The following GBE1 variants were observed in gnomAD, a reference collection of about 807,000 sequenced individuals.
The protein encoded by GBE1 is 1,4-alpha-glucan-branching enzyme.
In GBE1, 70 loss-of-function variants were observed where a neutral mutation model predicts 88.8. That is an observed-to-expected ratio of 0.79 (90% CI 0.65 to 0.96). GBE1 has a LOEUF of 0.96. Among genes scored for constraint, GBE1 ranks in the 40% least tolerant of loss-of-function variants. The pLI, the probability that GBE1 is intolerant of heterozygous loss-of-function variation, is 0.00. For synonymous variants in GBE1, 284 were observed against 300.1 expected, an observed-to-expected ratio of 0.95 and a Z score of 0.56; for missense variants, 872 against 871.0, an observed-to-expected ratio of 1.00 and a Z score of -0.01.
intron 5 of GBE1, among the ~76,000 whole-genome samples, chr3:81,647,099 G>T (rs2107067905): frequency 6.6e-6 from 1 of 151,958 alleles, no homozygotes; most frequent in Middle Eastern, 3.4e-3. Flanking sequence ...TGGAACTACA[G>T]GTGCGTGCCA....
chr3:81,686,168 T>G (rs115066985), intron 2 of GBE1, among the ~76,000 whole-genome samples: 128 of 152,256 alleles, frequency 8.4e-4, no homozygotes, highest in African/African-American at 2.9e-3. Context: ...TGTTTGGTTA[T>G]TAGGGGTGGC....
At chr3:81,615,521 A>G (rs1488219191) in intron 7 of GBE1, among the ~76,000 whole-genome samples, 1 of 152,174 alleles carries the variant, frequency 6.6e-6, no homozygotes, top group East Asian at 1.9e-4. Flanking sequence ...TATAAATGGG[A>G]TTAAACAAAA....
intron 1 of GBE1, among the ~76,000 whole-genome samples, chr3:81,718,077 TC>T (rs1705966117): frequency 6.6e-6 from 1 of 151,930 alleles, no homozygotes. Flanking sequence ...CCTCCTGGCT[TC>T]AGGCGAATCT....
intron 9 of GBE1, among the ~76,000 whole-genome samples, chr3:81,589,058 G>A (rs1194591487): frequency 3.3e-5 from 5 of 151,862 alleles, no homozygotes; most frequent in African/African-American, 1.2e-4. Flanking sequence ...AAATCATAAA[G>A]GTCATCAAAA....
intron 7 of GBE1, chr3:81,612,891 T>G (rs1036616503): frequency 1.7e-5 from 7 of 403,642 alleles, no homozygotes; most frequent in African/African-American, 1.5e-4. Context: ...ACCATTACAG[T>G]ACTACTTGGT....
chr3:81,717,379 G>A (rs1407255614), intron 1 of GBE1, among the ~76,000 whole-genome samples: 1 of 152,208 alleles, frequency 6.6e-6, no homozygotes, highest in Admixed American at 6.5e-5. Flanking sequence ...ATGCTCCTGA[G>A]AATGTATGGT....
At chr3:81,756,268 C>T (rs1706599954) in intron 1 of GBE1, among the ~76,000 whole-genome samples, 1 of 152,120 alleles carries the variant, frequency 6.6e-6, no homozygotes, top group Non-Finnish European at 1.5e-5. Flanking sequence ...ATATATTCCC[C>T]TTACCCAGAT....
intron 3 of GBE1, among the ~76,000 whole-genome samples, chr3:81,653,033 A>G (rs1704873200): frequency 6.6e-6 from 1 of 152,198 alleles, no homozygotes; most frequent in African/African-American, 2.4e-5. Flanking sequence ...ATCTTTCAAC[A>G]ATAAGTCTGG....
rs188233804 is a variant in GBE1, at chr3:81,587,442, A to G, written c.1237-1252T>C. Among the ~76,000 whole-genome samples, 357 of 152,220 alleles carry G rather than the reference A, an allele frequency of 2.3e-3. 3 individuals carry two copies. Among genetic ancestry groups the G allele is most frequent in the African/African-American group, 8.2e-3 (341 of 41,532 alleles). ...CATTCCCCATCTCTACCTTCTCTTTATACTAACTGCTGCCAAATTCATATC... is the reference window on the plus strand; with the variant it reads ...CATTCCCCATCTCTACCTTCTCTTTGTACTAACTGCTGCCAAATTCATATC... On this transcript the variant is annotated intron_variant, in intron 9 of 15. Transcript: ENST00000429644.
At chr3:81,678,353 C>T (rs1705291815) in intron 2 of GBE1, among the ~76,000 whole-genome samples, 1 of 152,110 alleles carries the variant, frequency 6.6e-6, no homozygotes, top group Admixed American at 6.5e-5. Flanking sequence ...ATGACTAAGA[C>T]CTAGAGCTTC....
At chr3:81,523,521 T>TA (rs1359922948) in intron 14 of GBE1, among the ~76,000 whole-genome samples, 1 of 151,640 alleles carries the variant, frequency 6.6e-6, no homozygotes, top group African/African-American at 2.4e-5. Flanking sequence ...TTAGTTATTT[T>TA]AAAATGTAGA....
intron 7 of GBE1, among the ~76,000 whole-genome samples, chr3:81,610,351 T>A (rs1704162233): frequency 6.6e-6 from 1 of 152,198 alleles, no homozygotes; most frequent in Non-Finnish European, 1.5e-5. Context: ...GAAAAGTATC[T>A]CTTTTAAAGT....
At chr3:81,521,940 A>T (rs771253329) in intron 14 of GBE1, among the ~76,000 whole-genome samples, 1 of 151,516 alleles carries the variant, frequency 6.6e-6, no homozygotes, top group Non-Finnish European at 1.5e-5. Context: ...TGCAACTTTA[A>T]CTCCATGAAT....
intron 2 of GBE1, among the ~76,000 whole-genome samples, chr3:81,681,889 AC>A (rs1705350213): frequency 6.6e-6 from 1 of 152,218 alleles, no homozygotes; most frequent in Admixed American, 6.5e-5. Context: ...TTAATATCAC[AC>A]AAAAAGTACA....
intron 14 of GBE1, among the ~76,000 whole-genome samples, chr3:81,518,168 C>T (rs1316892485): frequency 6.6e-6 from 1 of 151,240 alleles, no homozygotes. Context: ...GACAATATTT[C>T]TGATATATTT....
chr3:81,671,257 G>T (rs976507359), intron 2 of GBE1, among the ~76,000 whole-genome samples: 3 of 152,032 alleles, frequency 2.0e-5, no homozygotes, highest in African/African-American at 7.2e-5. Context: ...GAAAATGATG[G>T]ATCCTTTTTT....
At chr3:81,597,053 TA>T (rs1267966821) in intron 7 of GBE1, among the ~76,000 whole-genome samples, 2 of 151,924 alleles carry the variant, frequency 1.3e-5, no homozygotes, top group Admixed American at 1.3e-4. Flanking sequence ...GAATTAGAAA[TA>T]TTGTTCAATG....
chr3:81,581,361 C>A, intron 10 of GBE1, 86 bp from the exon 11 acceptor site: 1 of 738,578 alleles, frequency 1.4e-6, no homozygotes, highest in Non-Finnish European at 2.3e-6. Context: ...TGCATTATAT[C>A]AGTGCAAACT....
chr3:81,626,844 AT>A lies in GBE1; in HGVS notation c.992+15936del, dbSNP rs1340851168. On this transcript the variant is annotated intron_variant, in intron 7 of 15. Transcript: ENST00000429644. ...TATAGCACTTACTTGGAGATTCAAA[AT>A]GTATATTAGCTAATTAGATTCCAAG... Among the ~76,000 whole-genome samples the A allele has an allele frequency of 2.0e-5, 3 of 152,188 alleles. No individual in the cohort carries two copies. The East Asian group carries it at 5.8e-4, about 29-fold the overall frequency.
Sources: gnomAD v4.1 joint callset for allele counts (sites outside exome capture counted in the v4.1 genomes callset) on GRCh38, gnomAD v4.1.1 for gene constraint, MANE v1.5 for transcripts, NCBI Gene and HGNC (gene_info 2026-07-23, HGNC 2026-07-21) for gene names.